The following PEDS1 variants were observed in gnomAD, a reference collection of about 807,000 sequenced individuals.
The protein encoded by PEDS1 is CarF homolog.
PEDS1 carries 14 observed loss-of-function variants against 35.2 expected under a neutral mutation model. That is an observed-to-expected ratio of 0.40 (90% CI 0.26 to 0.62). The LOEUF (loss-of-function observed/expected upper bound fraction) is 0.62, where lower values mean the gene tolerates loss of function less well. Among genes scored for constraint, PEDS1 ranks in the 20% least tolerant of loss-of-function variants. The probability of loss-of-function intolerance (pLI) is 0.44; values close to 1 mark genes in which losing one functional copy is unlikely to be tolerated. For synonymous variants in PEDS1, 152 were observed against 152.0 expected, an observed-to-expected ratio of 1.00 and a Z score of 0.00; for missense variants, 260 against 367.8, an observed-to-expected ratio of 0.71 and a Z score of 2.40.
rs978032744 is a variant in PEDS1, at chr20:50,123,690, AC to A, written c.*1367del. ...CTCAGCTCAGAGGCCCTTCATGACCACCCTGCCAAAGCAGCACCGACCCTGC... is the reference window on the plus strand; with the variant it reads ...CTCAGCTCAGAGGCCCTTCATGACCACCTGCCAAAGCAGCACCGACCCTGC... On this transcript the variant is annotated 3_prime_UTR_variant, in exon 6 of 6. Transcript: ENST00000371652. 1 of 151,948 alleles carries A rather than the reference AC, an allele frequency of 6.6e-6. No individual in the cohort carries two copies. Among genetic ancestry groups the A allele is most frequent in the Non-Finnish European group, 1.5e-5 (1 of 67,990 alleles). 9.4% of individuals were successfully genotyped at this position (151,948 alleles called of 1,614,324 possible). A position where few individuals can be genotyped will look rare whatever the true frequency, so the allele number is the denominator to read the frequency against.
chr20:50,124,932 C>T lies in PEDS1; in HGVS notation c.*126G>A. The T allele has an allele frequency of 7.4e-7, 1 of 1,348,844 alleles. No homozygotes were observed. Among genetic ancestry groups the T allele is most frequent in the Admixed American group, 2.2e-5 (1 of 45,536 alleles). 83.6% of individuals were successfully genotyped at this position (1,348,844 alleles called of 1,614,324 possible). A position where few individuals can be genotyped will look rare whatever the true frequency, so the allele number is the denominator to read the frequency against. On this transcript the variant is annotated 3_prime_UTR_variant, in exon 6 of 6. Coordinates refer to ENST00000371652, the MANE Select transcript of PEDS1 (RefSeq NM_199129.4). ...GTGTCATGAGGGGTGGGCTGGGGTACCTGGGCCCAGCCCAGGAGATGTCCT... is the reference window on the plus strand; with the variant it reads ...GTGTCATGAGGGGTGGGCTGGGGTATCTGGGCCCAGCCCAGGAGATGTCCT...
intron 1 of PEDS1, among the ~76,000 whole-genome samples, chr20:50,146,518 C>G (rs1406914986): frequency 2.6e-5 from 4 of 152,186 alleles, no homozygotes; most frequent in Admixed American, 2.6e-4. Flanking sequence ...ACCGACATAC[C>G]TTGGGAAGGA....
At position 50,122,923 on chromosome 20, in the gene PEDS1, C is replaced by T. The variant is rs1226878508; in HGVS notation, c.*2135G>A. ...GACCAACCTGGACAACATAGTGAGA[C>T]CCCATTTCTTTAAAAAAAAAAAAAA... is the stretch of plus-strand genomic sequence containing the variant. On this transcript the variant is annotated 3_prime_UTR_variant, in exon 6 of 6. Coordinates refer to ENST00000371652, the MANE Select transcript of PEDS1 (RefSeq NM_199129.4). The T allele has an allele frequency of 7.6e-6, 1 of 131,914 alleles. No homozygotes were observed. Among genetic ancestry groups the T allele is most frequent in the Non-Finnish European group, 1.6e-5 (1 of 63,648 alleles). 8.2% of individuals were successfully genotyped at this position (131,914 alleles called of 1,614,324 possible).
intron 2 of PEDS1, among the ~76,000 whole-genome samples, chr20:50,142,031 G>A (rs893229891): frequency 2.0e-5 from 3 of 152,176 alleles, no homozygotes; most frequent in African/African-American, 7.2e-5. Context: ...TGGAGAGGAA[G>A]GAAACTGAGT....
At chr20:50,137,394 CAG>C (rs1290426441) in intron 2 of PEDS1, among the ~76,000 whole-genome samples, 1 of 152,208 alleles carries the variant, frequency 6.6e-6, no homozygotes, top group East Asian at 1.9e-4. Context: ...GTCATGGGAT[CAG>C]AGTCATCACA....
intron 2 of PEDS1, among the ~76,000 whole-genome samples, chr20:50,133,664 G>A (rs1211065959): frequency 6.6e-6 from 1 of 152,226 alleles, no homozygotes; most frequent in South Asian, 2.1e-4. Flanking sequence ...CAGATCCCCT[G>A]TGCTGGCTCC....
intron 1 of PEDS1, among the ~76,000 whole-genome samples, chr20:50,151,002 A>AT (rs1198971993): frequency 3.9e-5 from 6 of 151,916 alleles, no homozygotes; most frequent in African/African-American, 1.4e-4. Context: ...GGCCAGCTCC[A>AT]TTTTTTTCTG....
intron 2 of PEDS1, among the ~76,000 whole-genome samples, chr20:50,138,137 T>C (rs1196617473): frequency 6.6e-6 from 1 of 152,228 alleles, no homozygotes; most frequent in Non-Finnish European, 1.5e-5. Flanking sequence ...CTCTGTACTA[T>C]CTGCCCCATC....
intron 2 of PEDS1, among the ~76,000 whole-genome samples, chr20:50,140,630 C>T (rs1217850100): frequency 1.3e-5 from 2 of 152,224 alleles, no homozygotes; most frequent in African/African-American, 2.4e-5. Context: ...TCTGTGCAAA[C>T]GTCATCTTTT....
intron 5 of PEDS1, 43 bp from the exon 6 acceptor site, chr20:50,125,222 G>C: frequency 6.2e-7 from 1 of 1,606,792 alleles, no homozygotes; most frequent in Non-Finnish European, 8.5e-7. Context: ...GGAGAGAGTA[G>C]TCAAGGGGAC....
Position 50,118,609 on chromosome 20 carries a change from C to T in PEDS1, c.*6449G>A, listed in dbSNP as rs1208298962. On this transcript the variant is annotated 3_prime_UTR_variant, in exon 6 of 6. Transcript: ENST00000371652. ...TGTATTTCAGTGATTTGAAGCTATACGTTTTTACTTTTTTTTTGTTTTTTT... is the reference window on the plus strand; with the variant it reads ...TGTATTTCAGTGATTTGAAGCTATATGTTTTTACTTTTTTTTTGTTTTTTT... 6.6e-6 allele frequency: 1 copy of T among 151,832 alleles called. No individual in the cohort carries two copies. The highest frequency in any genetic ancestry group is 2.4e-5 in the African/African-American group (1 of 41,330). The allele number at this position is 151,832 out of a possible 1,614,324, so 9.4% of individuals were successfully genotyped here.
At chr20:50,131,003 C>T (rs1402946713) in intron 2 of PEDS1, 56 bp from the exon 3 acceptor site, 8 of 1,613,856 alleles carry the variant, frequency 5.0e-6, no homozygotes, top group Non-Finnish European at 6.8e-6. Flanking sequence ...ATCAGAATCA[C>T]TCATTCATTT....
At chr20:50,138,896 A>G (rs897947809) in intron 2 of PEDS1, among the ~76,000 whole-genome samples, 2 of 152,176 alleles carry the variant, frequency 1.3e-5, no homozygotes, top group African/African-American at 4.8e-5. Flanking sequence ...TCACGGGGGA[A>G]CTTGAGGTAG....
At chr20:50,127,837 T>C (rs2081126549) in intron 5 of PEDS1, 138 bp downstream of exon 5, 1 of 1,252,222 alleles carries the variant, frequency 8.0e-7, no homozygotes, top group South Asian at 1.4e-5. Context: ...AGGTGCTCAA[T>C]AAATGCATGA....
chr20:50,130,026 G>T (rs2081157848), intron 3 of PEDS1, among the ~76,000 whole-genome samples: 1 of 152,138 alleles, frequency 6.6e-6, no homozygotes, highest in Admixed American at 6.6e-5. Flanking sequence ...CTAAGTAAAA[G>T]GTGGGACCCT....
intron 1 of PEDS1, among the ~76,000 whole-genome samples, chr20:50,150,802 T>A (rs1568658549): frequency 6.6e-6 from 1 of 152,126 alleles, no homozygotes; most frequent in African/African-American, 2.4e-5. Context: ...TTCAAGAGAT[T>A]ATCCTGCCTC....
At position 50,143,507 on chromosome 20, in the gene PEDS1, C is replaced by G. The variant is rs199876478; in HGVS notation, c.236G>C (p.Gly79Ala). Residue 79 changes from glycine (G) to alanine (A), a missense_variant, in exon 2 of 6, where the codon GGT becomes GCT. Physicochemically the swap from Gly to Ala is moderately conservative, Grantham distance 60 (BLOSUM62 0). Around this residue, in one of 4 missense-constraint regions of PEDS1, gnomAD observed 114 missense variants for 121.6 expected, o/e 0.94. Coordinates refer to ENST00000371652, the MANE Select transcript of PEDS1 (RefSeq NM_199129.4). ...GCAGTGCCTCGGGCACTCACCAACA[C>G]CGAGTATGACGAGGGGTGTGTCCTC... ...RWEDTPLVIL[G>A]VVAGALIADF... 1 of 1,606,396 alleles carries G rather than the reference C, an allele frequency of 6.2e-7. No homozygotes were observed. The highest frequency in any genetic ancestry group is 8.5e-7 in the Non-Finnish European group (1 of 1,177,120).
At chr20:50,127,114 A>G (rs910600148) in intron 5 of PEDS1, among the ~76,000 whole-genome samples, 18 of 152,288 alleles carry the variant, frequency 1.2e-4, no homozygotes, top group Non-Finnish European at 2.1e-4. Context: ...TGCCTCCCAC[A>G]GAGGTCTGCA....
chr20:50,152,438 C>A lies in PEDS1; in HGVS notation c.121+1079G>T, dbSNP rs186691636. Among the ~76,000 whole-genome samples the A allele has an allele frequency of 2.1e-3, 324 of 152,288 alleles. 1 individual carries two copies. Among genetic ancestry groups the A allele is most frequent in the African/African-American group, 7.6e-3 (314 of 41,564 alleles). On this transcript the variant is annotated intron_variant, in intron 1 of 5. Coordinates refer to ENST00000371652, the MANE Select transcript of PEDS1 (RefSeq NM_199129.4). Reference sequence around the variant, plus strand: ...CCATGGTGACACCCAGGTAGAGGTGCCTCCCAGTCACCTGAACCAGGAGTT... The same window carrying A: ...CCATGGTGACACCCAGGTAGAGGTGACTCCCAGTCACCTGAACCAGGAGTT...
Sources: gnomAD v4.1 joint callset for allele counts (sites outside exome capture counted in the v4.1 genomes callset) on GRCh38, gnomAD v4.1.1 for gene constraint, gnomAD v4.1.1 regional missense constraint, MANE v1.5 for transcripts, NCBI Gene and HGNC (gene_info 2026-07-23, HGNC 2026-07-21) for gene names.